Variants in MBD5 observed in about 807,000 individuals in gnomAD.
MBD5 encodes methyl-CpG-binding domain protein 5.
In MBD5, 13 loss-of-function variants were observed where a neutral mutation model predicts 117.3. The observed-to-expected ratio is 0.11, with a 90% confidence interval of 0.07 to 0.18. The LOEUF (loss-of-function observed/expected upper bound fraction) is 0.18, where lower values mean the gene tolerates loss of function less well. MBD5 is among the 10% of genes least tolerant of loss of function. MBD5 has a pLI of 1.00. For missense variants in MBD5, 1,879 were observed against 2,093.8 expected (o/e 0.90, Z 2.00); for synonymous variants, 727 against 766.4 (o/e 0.95, Z 0.85).
At chr2:148,127,007 T>C (rs1221112409) in intron 1 of MBD5, among the ~76,000 whole-genome samples, 1 of 149,410 alleles carries the variant, frequency 6.7e-6, no homozygotes, top group Non-Finnish European at 1.5e-5. Flanking sequence ...GACGGAGTCT[T>C]GCTCTGTCTC....
intron 4 of MBD5, among the ~76,000 whole-genome samples, chr2:148,420,751 G>T (rs182659892): frequency 8.0e-5 from 12 of 150,674 alleles, no homozygotes. Context: ...TTTGTGACAA[G>T]GTCTCACTCT....
intron 4 of MBD5, among the ~76,000 whole-genome samples, chr2:148,345,444 TACAC>T (rs1275939597): frequency 2.7e-5 from 2 of 73,280 alleles, no homozygotes; most frequent in Non-Finnish European, 6.2e-5. Context: ...CATATGTATA[TACAC>T]ATACACATAT....
At chr2:148,252,081 C>T (rs952777849) in intron 3 of MBD5, among the ~76,000 whole-genome samples, 3 of 152,084 alleles carry the variant, frequency 2.0e-5, no homozygotes, top group African/African-American at 7.2e-5. Flanking sequence ...CTATCAAGAG[C>T]GTCCAGGAAT....
chr2:148,141,949 C>G (rs1023828346), intron 1 of MBD5, among the ~76,000 whole-genome samples: 2 of 151,932 alleles, frequency 1.3e-5, no homozygotes, highest in Non-Finnish European at 2.9e-5. Flanking sequence ...GTACCCCAGC[C>G]TGGGCAACAG....
chr2:148,165,301 G>T (rs1352719692), intron 1 of MBD5, among the ~76,000 whole-genome samples: 2 of 151,982 alleles, frequency 1.3e-5, no homozygotes, highest in Non-Finnish European at 2.9e-5. Context: ...TACATAGAAT[G>T]AAATGAATTA....
At chr2:148,229,329 G>T (rs1459463909) in intron 2 of MBD5, among the ~76,000 whole-genome samples, 3 of 151,804 alleles carry the variant, frequency 2.0e-5, no homozygotes, top group Non-Finnish European at 4.4e-5. Flanking sequence ...CAGAATTTCT[G>T]CTTGATTCTT....
intron 1 of MBD5, among the ~76,000 whole-genome samples, chr2:148,149,093 C>G (rs551097166): frequency 1.3e-5 from 2 of 150,504 alleles, no homozygotes; most frequent in Admixed American, 6.6e-5. Context: ...TCCCCACTCC[C>G]CCCACCCCAC....
chr2:148,363,159 G>A (rs954620154), intron 4 of MBD5, among the ~76,000 whole-genome samples: 1 of 152,172 alleles, frequency 6.6e-6, no homozygotes, highest in Admixed American at 6.5e-5. Flanking sequence ...GACAGAAGTA[G>A]GCTTCAGAAA....
chr2:148,081,910 C>T (rs2105163652), intron 1 of MBD5, among the ~76,000 whole-genome samples: 1 of 152,264 alleles, frequency 6.6e-6, no homozygotes, highest in African/African-American at 2.4e-5. Context: ...AGAGTGATTG[C>T]ATTTATTTCA....
intron 8 of MBD5, among the ~76,000 whole-genome samples, chr2:148,476,371 CAA>C (rs1259433147): frequency 2.6e-5 from 4 of 152,152 alleles, no homozygotes; most frequent in South Asian, 4.1e-4. Context: ...TAATGTGTAA[CAA>C]AAAGTTTCAT....
At chr2:148,328,460 T>C (rs537773026) in intron 3 of MBD5, among the ~76,000 whole-genome samples, 6 of 152,238 alleles carry the variant, frequency 3.9e-5, no homozygotes, top group Admixed American at 2.0e-4. Flanking sequence ...CCTTGCAGTT[T>C]GATCTCAGAC....
At chr2:148,149,766 C>G (rs1481939012) in intron 1 of MBD5, among the ~76,000 whole-genome samples, 17 of 152,050 alleles carry the variant, frequency 1.1e-4, no homozygotes, top group Non-Finnish European at 2.2e-4. Context: ...TCATGTCCTT[C>G]ACCCACTTTT....
At chr2:148,212,844 C>T (rs1214348848) in intron 2 of MBD5, among the ~76,000 whole-genome samples, 1 of 152,138 alleles carries the variant, frequency 6.6e-6, no homozygotes, top group Non-Finnish European at 1.5e-5. Context: ...AAATATAAGG[C>T]ATCTCATTGA....
Position 148,021,463 on chromosome 2 carries a change from T to TTGCTGCTGCTGC in MBD5, c.-1140_-1129dup. 1 of 573,876 alleles carries TTGCTGCTGCTGC rather than the reference T, an allele frequency of 1.7e-6. No homozygotes were observed. Among genetic ancestry groups the TTGCTGCTGCTGC allele is most frequent in the Non-Finnish European group, 3.4e-6 (1 of 298,506 alleles). 35.5% of individuals were successfully genotyped at this position (573,876 alleles called of 1,614,324 possible). On this transcript the variant is annotated 5_prime_UTR_variant, in exon 1 of 14. Transcript: ENST00000642680. ...CAACACAGACCCTTTGCTGCTGCTG[T>TTGCTGCTGCTGC]TGCTGCTGCTGCTGCTGTTGCTGCT...
At chr2:148,430,013 A>G (rs531721265) in intron 4 of MBD5, among the ~76,000 whole-genome samples, 1 of 152,126 alleles carries the variant, frequency 6.6e-6, no homozygotes, top group South Asian at 2.1e-4. Context: ...ATTGATGACT[A>G]TTTTTAAAAT....
intron 3 of MBD5, among the ~76,000 whole-genome samples, chr2:148,246,118 A>G (rs1160596469): frequency 1.1e-4 from 17 of 152,314 alleles, no homozygotes; most frequent in Non-Finnish European, 4.4e-5. Context: ...CATATAGATT[A>G]TAGTTAGGCC....
At position 148,469,043 on chromosome 2, in the gene MBD5, A is replaced by C; in HGVS notation, c.1100A>C (p.Lys367Thr). The change falls in exon 8 of 14, where the codon AAA becomes ACA. Residue 367 changes from lysine (K) to threonine (T), a missense_variant. Lys to Thr is a moderately conservative substitution (Grantham distance 78). This residue lies in a region of MBD5 where 1,666 missense variants were observed against 1,792.2 expected (regional missense o/e 0.93). Transcript: ENST00000642680. The stretch of plus-strand genomic sequence containing the variant: ...GGCATTCTTGACCCTATTCCTAGTA[A>C]ACCAGTGAATCAGAACCCTGTTATC... ...PLGILDPIPSKPVNQNPVIIN... is the reference protein window; with the variant it reads ...PLGILDPIPSTPVNQNPVIIN... 1 of 1,614,018 alleles carries C rather than the reference A, an allele frequency of 6.2e-7. No individual in the cohort carries two copies. The highest frequency in any genetic ancestry group is 1.3e-5 in the African/African-American group (1 of 75,016).
At chr2:148,034,899 C>T (rs1023055245) in intron 1 of MBD5, among the ~76,000 whole-genome samples, 3 of 152,100 alleles carry the variant, frequency 2.0e-5, no homozygotes, top group South Asian at 2.1e-4. Flanking sequence ...TATTAATAGG[C>T]GACAACCTGT....
At chr2:148,063,417 G>A (rs973717159) in intron 1 of MBD5, among the ~76,000 whole-genome samples, 1 of 152,154 alleles carries the variant, frequency 6.6e-6, no homozygotes, top group Admixed American at 6.5e-5. Context: ...TAATGCAAGT[G>A]TCAGCACACT....
Sources: gnomAD v4.1 joint callset for allele counts (sites outside exome capture counted in the v4.1 genomes callset) on GRCh38, gnomAD v4.1.1 for gene constraint, gnomAD v4.1.1 regional missense constraint, MANE v1.5 for transcripts, NCBI Gene and HGNC (gene_info 2026-07-23, HGNC 2026-07-21) for gene names.